Variants in PRKN observed in about 807,000 individuals in gnomAD.
PRKN encodes E3 ubiquitin-protein ligase parkin.
Under a neutral mutation model 59.5 loss-of-function variants are expected in PRKN, and 56 were observed. The ratio of observed to expected loss-of-function variants is 0.94; its 90% CI spans 0.76 to 1.18. PRKN has a LOEUF of 1.18. Ranked by LOEUF, PRKN falls within the 50% of genes most tolerant of loss-of-function variation. The pLI, the probability that PRKN is intolerant of heterozygous loss-of-function variation, is 0.00. For synonymous variants in PRKN, 250 were observed against 222.1 expected, an observed-to-expected ratio of 1.13 and a Z score of -1.12; for missense variants, 657 against 596.4, an observed-to-expected ratio of 1.10 and a Z score of -1.06.
intron 1 of PRKN, among the ~76,000 whole-genome samples, chr6:162,670,942 A>C (rs1779294968): frequency 6.6e-6 from 1 of 152,224 alleles, no homozygotes. Flanking sequence ...CTACTTTGAT[A>C]ATGTTTAACC....
At chr6:162,252,032 C>T (rs999608483) in intron 3 of PRKN, among the ~76,000 whole-genome samples, 10 of 152,124 alleles carry the variant, frequency 6.6e-5, no homozygotes, top group Admixed American at 1.3e-4. Context: ...TGCATTTTCT[C>T]TTGTGAGAAT....
At chr6:161,680,421 A>AT (rs1785272410) in intron 7 of PRKN, among the ~76,000 whole-genome samples, 1 of 152,218 alleles carries the variant, frequency 6.6e-6, no homozygotes, top group African/African-American at 2.4e-5. Context: ...CATCCTGTGA[A>AT]TGGCCGAGTT....
At chr6:161,392,746 T>G (rs1786570218) in intron 9 of PRKN, among the ~76,000 whole-genome samples, 1 of 145,282 alleles carries the variant, frequency 6.9e-6, no homozygotes, top group South Asian at 2.3e-4. Flanking sequence ...CAGCTTATCC[T>G]AAATGCCTAA....
At chr6:162,149,658 C>T (rs1782177932) in intron 4 of PRKN, among the ~76,000 whole-genome samples, 1 of 152,134 alleles carries the variant, frequency 6.6e-6, no homozygotes, top group African/African-American at 2.4e-5. Context: ...AGTGCAGACA[C>T]TCTAAGACTC....
Position 161,440,875 on chromosome 6 carries a change from GT to G in PRKN, c.1084-53999del, listed in dbSNP as rs550604266. 2.2e-3 allele frequency among the ~76,000 whole-genome samples: 329 copies of G among 152,286 alleles called. 1 individual carries two copies. The highest frequency in any genetic ancestry group is 7.6e-3 in the African/African-American group (315 of 41,560). ...GCATCTCTCCAGAATACAAATAAGA[GT>G]CTAATGTGATAAGAGGCTGAACTGA... is the stretch of plus-strand genomic sequence containing the variant. On this transcript the variant is annotated intron_variant, in intron 9 of 11. Transcript: ENST00000366898. This position sits in a 1 kb window ranked among gnomAD's most constrained non-coding sequence, Gnocchi z 4.1.
At chr6:161,633,807 C>A (rs140636132) in intron 7 of PRKN, among the ~76,000 whole-genome samples, 1 of 152,070 alleles carries the variant, frequency 6.6e-6, no homozygotes, top group South Asian at 2.1e-4. Context: ...TCATTCCACT[C>A]GATTTTTCTA....
At chr6:162,103,900 A>G (rs1013178257) in intron 4 of PRKN, among the ~76,000 whole-genome samples, 1 of 152,178 alleles carries the variant, frequency 6.6e-6, no homozygotes, top group Admixed American at 6.5e-5. Context: ...GAAAGAGCAT[A>G]AGATGCTCCG....
chr6:161,991,740 G>A (rs1781656031), intron 5 of PRKN, among the ~76,000 whole-genome samples: 1 of 152,052 alleles, frequency 6.6e-6, no homozygotes, highest in Non-Finnish European at 1.5e-5. Context: ...CTACTCAGGA[G>A]GCTGAGGCAG....
rs879548186 is a variant in PRKN at position 162,248,883 on chromosome 6, AT to A, written c.412+13641del. On this transcript the variant is annotated intron_variant, in intron 3 of 11. Coordinates refer to ENST00000366898, the MANE Select transcript of PRKN (RefSeq NM_004562.3). The stretch of plus-strand genomic sequence containing the variant: ...TAATAGACTATTGCTTTTGTATATA[AT>A]TTTTTTTTTTTTTAAGACAGAGTCT... Among the ~76,000 whole-genome samples the A allele has an allele frequency of 9.0e-3, 1,302 of 144,126 alleles. 15 individuals are homozygous for A. The highest frequency in any genetic ancestry group is 0.026 in the African/African-American group (1,024 of 39,278). 94.6% of individuals were successfully genotyped at this position (144,126 alleles called of 152,430 possible).
chr6:161,618,411 A>G (rs979630095), intron 7 of PRKN, among the ~76,000 whole-genome samples: 2 of 152,148 alleles, frequency 1.3e-5, no homozygotes, highest in African/African-American at 2.4e-5. Flanking sequence ...ACACTCTCTC[A>G]AGGTAAAAGA....
intron 6 of PRKN, among the ~76,000 whole-genome samples, chr6:161,876,524 G>A (rs569265669): frequency 6.6e-6 from 1 of 152,176 alleles, no homozygotes; most frequent in East Asian, 1.9e-4. Context: ...TGTTGCCCAG[G>A]CTGGTCTCAA....
At chr6:162,676,744 C>A (rs1157563293) in intron 1 of PRKN, among the ~76,000 whole-genome samples, 1 of 152,096 alleles carries the variant, frequency 6.6e-6, no homozygotes, top group Admixed American at 6.6e-5. Flanking sequence ...CAGTGCCTAA[C>A]ACACAGTACA....
chr6:162,525,252 A>G (rs1778233533), intron 1 of PRKN, among the ~76,000 whole-genome samples: 1 of 151,890 alleles, frequency 6.6e-6, no homozygotes, highest in African/African-American at 2.4e-5. Context: ...TCTCTGTAAA[A>G]GAGGAACAAT....
At chr6:161,743,677 A>G (rs1440408401) in intron 7 of PRKN, among the ~76,000 whole-genome samples, 1 of 152,044 alleles carries the variant, frequency 6.6e-6, no homozygotes, top group African/African-American at 2.4e-5. Context: ...TCCCTAGAAC[A>G]CTGCCGGGCA....
chr6:162,010,802 T>TTA lies in PRKN; in HGVS notation c.619-37386_619-37385insTA, dbSNP rs1180932785. Among the ~76,000 whole-genome samples, 24 of 10,042 alleles carry TTA rather than the reference T, an allele frequency of 2.4e-3. 9 individuals are homozygous for TTA. Among genetic ancestry groups the TTA allele is most frequent in the Admixed American group, 5.9e-3 (2 of 338 alleles). 6.6% of individuals were successfully genotyped at this position (10,042 alleles called of 152,430 possible). A position where few individuals can be genotyped will look rare whatever the true frequency, so the allele number is the denominator to read the frequency against. The stretch of plus-strand genomic sequence containing the variant: ...ATATTATATAATATATTATATAATA[T>TTA]ATATTATATAATGTATAATATATAC... On this transcript the variant is annotated intron_variant, in intron 5 of 11. Transcript: ENST00000366898.
At chr6:162,634,143 G>A (rs569919992) in intron 1 of PRKN, among the ~76,000 whole-genome samples, 1 of 152,172 alleles carries the variant, frequency 6.6e-6, no homozygotes, top group African/African-American at 2.4e-5. Context: ...CTCCATACCT[G>A]GGCTTTGGCT....
chr6:161,677,078 T>G (rs1785114697), intron 7 of PRKN, among the ~76,000 whole-genome samples: 1 of 152,318 alleles, frequency 6.6e-6, no homozygotes, highest in South Asian at 2.1e-4. Flanking sequence ...TTCTTGTGAT[T>G]TTCCAAGTCA....
At chr6:162,567,442 T>C (rs558999114) in intron 1 of PRKN, among the ~76,000 whole-genome samples, 2 of 152,248 alleles carry the variant, frequency 1.3e-5, no homozygotes, top group Admixed American at 6.5e-5. Flanking sequence ...AAAATCTACA[T>C]ACAAAAATCA....
chr6:161,360,132 GT>G lies in PRKN; in HGVS notation c.1240del (p.Thr414ProfsTer21). The G allele has an allele frequency of 1.2e-6, 2 of 1,614,004 alleles. No individual in the cohort carries two copies. Among genetic ancestry groups the G allele is most frequent in the South Asian group, 2.2e-5 (2 of 91,084 alleles). ...EAASKETIKK[T>X]TKPCPRCHVP... is the part of the protein sequence containing the mutation. ...ATGGCAGCGGGGACAGGGCTTGGTGGTTTTCTTGATGGTTTCTTTGGAGGCT... is the reference window on the plus strand; with the variant it reads ...ATGGCAGCGGGGACAGGGCTTGGTGGTTTCTTGATGGTTTCTTTGGAGGCT... On this transcript the variant is annotated frameshift_variant, in exon 11 of 12. Coordinates refer to ENST00000366898, the MANE Select transcript of PRKN (RefSeq NM_004562.3). LOFTEE classifies it low-confidence loss of function (END_TRUNC). This position sits in a 1 kb window ranked among gnomAD's most constrained non-coding sequence, Gnocchi z 5.1.
Sources: gnomAD v4.1 joint callset for allele counts (sites outside exome capture counted in the v4.1 genomes callset) on GRCh38, gnomAD v4.1.1 for gene constraint, Gnocchi (gnomAD v3.1) non-coding constraint, MANE v1.5 for transcripts, NCBI Gene and HGNC (gene_info 2026-07-23, HGNC 2026-07-21) for gene names.